Variants in TRRAP observed in about 807,000 individuals in gnomAD.
The protein encoded by TRRAP is transformation/transcription domain associated protein, also known as transformation/transcription domain-associated protein.
In TRRAP, 41 loss-of-function variants were observed where a neutral mutation model predicts 438.8. That is an observed-to-expected ratio of 0.09 (90% CI 0.07 to 0.12). The LOEUF (loss-of-function observed/expected upper bound fraction) is 0.12. Ranked by LOEUF, TRRAP falls within the 10% of genes least tolerant of loss-of-function variation. The pLI is 1.00. For synonymous variants in TRRAP, 1,994 were observed against 1,962.9 expected (o/e 1.02, Z -0.42); for missense variants, 3,122 against 5,055.1 (o/e 0.62, Z 11.60).
At chr7:98,964,893 T>C (rs1754595407) in intron 48 of TRRAP, 118 bp downstream of exon 48, 3 of 1,283,560 alleles carry the variant, frequency 2.3e-6, no homozygotes, top group Admixed American at 3.1e-5. Context: ...TCCTGTTGTT[T>C]GGTCGTAAAT....
At chr7:98,901,692 G>T (rs1454563360) in intron 11 of TRRAP, among the ~76,000 whole-genome samples, 1 of 152,122 alleles carries the variant, frequency 6.6e-6, no homozygotes, top group Non-Finnish European at 1.5e-5. Flanking sequence ...AGGATTACAG[G>T]CATGCACTAC....
intron 45 of TRRAP, among the ~76,000 whole-genome samples, chr7:98,959,953 AAG>A (rs1491557431): frequency 4.2e-4 from 62 of 148,318 alleles, no homozygotes; most frequent in East Asian, 3.9e-3. Context: ...AAAAAAAAAA[AAG>A]AAAAAGAAAA....
At chr7:98,933,116 C>T in intron 26 of TRRAP, 125 bp from the exon 27 acceptor site, 2 of 1,308,952 alleles carry the variant, frequency 1.5e-6, no homozygotes, top group Non-Finnish European at 2.0e-6. Flanking sequence ...AAATGTATCT[C>T]CCGTTCCCTA....
intron 48 of TRRAP, among the ~76,000 whole-genome samples, chr7:98,965,206 T>G (rs573782712): frequency 1.3e-5 from 2 of 152,254 alleles, no homozygotes; most frequent in Non-Finnish European, 2.9e-5. Flanking sequence ...AATTTTAAAA[T>G]AGTTGGACTT....
intron 45 of TRRAP, among the ~76,000 whole-genome samples, chr7:98,960,295 T>C (rs527393430): frequency 5.4e-4 from 82 of 152,340 alleles, no homozygotes; most frequent in African/African-American, 1.9e-3. Flanking sequence ...TGTGCTTTTC[T>C]GGTGGCAGCA....
At position 99,008,446 on chromosome 7, in the gene TRRAP, T is replaced by C; in HGVS notation, c.10823T>C (p.Val3608Ala). The stretch of plus-strand genomic sequence containing the variant: ...GACAACCCCTCTTCACTTTCCCTTG[T>C]GGAGATCTACAAGCAGCGCTGCGCC... The part of the protein sequence containing the change: ...VEDNPSSLSL[V>A]EIYKQRCAKK... Residue 3608 changes from valine (V) to alanine (A), a missense_variant, in exon 70 of 73, where the codon GTG becomes GCG. This residue lies in a region of TRRAP where 38 missense variants were observed against 32.1 expected (regional missense o/e 1.18). Coordinates refer to ENST00000456197, the MANE Select transcript of TRRAP (RefSeq NM_001375524.1). The C allele has an allele frequency of 6.2e-7, 1 of 1,613,766 alleles. No homozygotes were observed. The highest frequency in any genetic ancestry group is 8.5e-7 in the Non-Finnish European group (1 of 1,179,862).
intron 8 of TRRAP, 99 bp from the exon 9 acceptor site, chr7:98,899,323 G>A (rs782524032): frequency 2.0e-4 from 190 of 956,606 alleles, no homozygotes; most frequent in Non-Finnish European, 2.7e-4. Flanking sequence ...ACTGTTTTCC[G>A]TTCTCTCTCT....
chr7:98,941,666 G>C (rs1790802065), intron 30 of TRRAP, among the ~76,000 whole-genome samples: 1 of 152,168 alleles, frequency 6.6e-6, no homozygotes, highest in Admixed American at 6.5e-5. Context: ...ATGAATTTCT[G>C]TTCTGGTGAT....
intron 3 of TRRAP, among the ~76,000 whole-genome samples, chr7:98,889,668 C>T (rs1222041277): frequency 6.6e-6 from 1 of 151,812 alleles, no homozygotes; most frequent in African/African-American, 2.4e-5. Flanking sequence ...TTACTTCAGC[C>T]CTCTGAGTAG....
intron 21 of TRRAP, among the ~76,000 whole-genome samples, chr7:98,924,884 G>C (rs1333340215): frequency 1.3e-5 from 2 of 151,070 alleles, no homozygotes; most frequent in Non-Finnish European, 1.5e-5. Flanking sequence ...GGCACCTGTA[G>C]TCCCAGCTAC....
chr7:98,983,224 C>T lies in TRRAP; in HGVS notation c.8827-40C>T, dbSNP rs754077070. Reference sequence around the variant, plus strand: ...GTGTGTTTTTCCCGTTTGATCTTTACTGACATTTACCGCAGAGTCTCTTAT... The same window carrying T: ...GTGTGTTTTTCCCGTTTGATCTTTATTGACATTTACCGCAGAGTCTCTTAT... On this transcript the variant is annotated intron_variant, in intron 59 of 72. Coordinates refer to ENST00000456197, the MANE Select transcript of TRRAP (RefSeq NM_001375524.1). The T allele has an allele frequency of 9.1e-6, 14 of 1,541,290 alleles. No homozygotes were observed. In the African/African-American group the frequency reaches 1.6e-4, roughly 18 times the overall value.
rs1789301567 is a variant in TRRAP, at chr7:98,912,096, T to C, written c.2082T>C (p.Leu694=). Residue 694 remains leucine, a synonymous_variant, in exon 18 of 73, where the codon CTT becomes CTC. Coordinates refer to ENST00000456197, the MANE Select transcript of TRRAP (RefSeq NM_001375524.1). ...CTACGATTCTGGTGGAATATCTCCT[T>C]GATCGCCTGCCAGAAATGGGCTCCA... ...LFATILVEYL[L]DRLPEMGSNV... 1.9e-6 allele frequency: 3 copies of C among 1,614,210 alleles called. No homozygotes were observed. Among genetic ancestry groups the C allele is most frequent in the Non-Finnish European group, 2.5e-6 (3 of 1,180,032 alleles).
At position 99,011,180 on chromosome 7, in the gene TRRAP, G is replaced by A. The variant is rs1794409007; in HGVS notation, c.11067G>A (p.Gln3689=). Reference sequence around the variant, plus strand: ...CGTTCCGGAAGATGTTCACCATCCAGCTGGCTCTGATAGGCTTCGCGGAAT... The same window carrying A: ...CGTTCCGGAAGATGTTCACCATCCAACTGGCTCTGATAGGCTTCGCGGAAT... ...YWTFRKMFTI[Q]LALIGFAEFV... Residue 3689 remains glutamine (Q), a synonymous_variant, in exon 71 of 73, where the codon CAG becomes CAA. Transcript: ENST00000456197. This position sits in a 1 kb window ranked among gnomAD's most constrained non-coding sequence, Gnocchi z 7.1. 1.9e-6 allele frequency: 3 copies of A among 1,614,130 alleles called. No homozygotes were observed. The highest frequency in any genetic ancestry group is 1.6e-4 in the Middle Eastern group (1 of 6,062).
At chr7:98,885,254 A>AT (rs35480952) in intron 3 of TRRAP, among the ~76,000 whole-genome samples, 102,947 of 147,388 alleles carry the variant, frequency 0.7, 39,888 homozygotes, top group South Asian at 0.88. Flanking sequence ...TGCTTGGCTA[A>AT]TTTTTTTTTT....
At chr7:98,907,479 A>G (rs2116391014) in intron 13 of TRRAP, among the ~76,000 whole-genome samples, 1 of 152,348 alleles carries the variant, frequency 6.6e-6, no homozygotes, top group South Asian at 2.1e-4. Flanking sequence ...GTTCCTTTGA[A>G]TATGATGCAG....
Position 98,927,155 on chromosome 7 carries a change from T to G in TRRAP, c.2976-12T>G, listed in dbSNP as rs782098221. 10 of 1,614,198 alleles carry G rather than the reference T, an allele frequency of 6.2e-6. No individual in the cohort carries two copies. In the East Asian group the frequency reaches 2.0e-4, roughly 32 times the overall value. On this transcript the variant is annotated splice_polypyrimidine_tract_variant and intron_variant, in intron 22 of 72. Transcript: ENST00000456197. ...TGGGTGTCGTGACACCAGATCTGAT[T>G]TTGCCTTTCAGCTTTACAGAAAAGA...
At chr7:98,900,843 AT>A in intron 11 of TRRAP, 123 bp downstream of exon 11, 5 of 740,434 alleles carry the variant, frequency 6.8e-6, no homozygotes, top group Non-Finnish European at 1.1e-5. Context: ...ACACATCAAA[AT>A]ACGGTACATT....
Position 99,005,020 on chromosome 7 carries a change from G to A in TRRAP, c.10536-111G>A. 2 of 1,040,494 alleles carry A rather than the reference G, an allele frequency of 1.9e-6. No individual in the cohort carries two copies. Among genetic ancestry groups the A allele is most frequent in the Non-Finnish European group, 2.9e-6 (2 of 683,984 alleles). The allele number at this position is 1,040,494 out of a possible 1,614,324, so 64.5% of individuals were successfully genotyped here. On this transcript the variant is annotated intron_variant, in intron 68 of 72. Coordinates refer to ENST00000456197, the MANE Select transcript of TRRAP (RefSeq NM_001375524.1). This position sits in a 1 kb window ranked among gnomAD's most constrained non-coding sequence, Gnocchi z 5.1. ...CAAATAAATTGATAAACGACCGCTG[G>A]CCTACACAGTCCGTTTTCCCGTGAC...
At chr7:98,900,745 G>A (rs1554406535) in intron 11 of TRRAP, 25 bp downstream of exon 11, 1 of 1,585,370 alleles carries the variant, frequency 6.3e-7, no homozygotes, top group African/African-American at 1.4e-5. Context: ...TTTTATGTCA[G>A]GTTTATTGAG....
Sources: gnomAD v4.1 joint callset for allele counts (sites outside exome capture counted in the v4.1 genomes callset) on GRCh38, gnomAD v4.1.1 for gene constraint, gnomAD v4.1.1 regional missense constraint, Gnocchi (gnomAD v3.1) non-coding constraint, MANE v1.5 for transcripts, NCBI Gene and HGNC (gene_info 2026-07-23, HGNC 2026-07-21) for gene names.